SGCZ: variants seen among roughly 807,000 people sequenced by gnomAD.
SGCZ encodes zeta-sarcoglycan.
A neutral mutation model predicts 41.3 loss-of-function variants in SGCZ; 40 were observed. That is an observed-to-expected ratio of 0.97 (90% CI 0.75 to 1.26). SGCZ has a LOEUF of 1.26. SGCZ is among the 50% of genes most tolerant of loss of function. The pLI is 0.00. For missense variants in SGCZ, 552 were observed against 369.8 expected (o/e 1.49, Z -4.04); for synonymous variants, 206 against 137.5 (o/e 1.50, Z -3.49).
intron 1 of SGCZ, among the ~76,000 whole-genome samples, chr8:15,133,414 G>A (rs938164449): frequency 3.3e-5 from 5 of 152,152 alleles, no homozygotes; most frequent in Non-Finnish European, 7.4e-5. Context: ...TACAGGTCAT[G>A]ATTTCATAGC....
intron 1 of SGCZ, among the ~76,000 whole-genome samples, chr8:14,741,878 C>T (rs1799206702): frequency 6.9e-6 from 1 of 145,636 alleles, no homozygotes; most frequent in African/African-American, 2.7e-5. Flanking sequence ...CTTTTAATAA[C>T]TCAATTTAAT....
intron 4 of SGCZ, among the ~76,000 whole-genome samples, chr8:14,232,041 C>G (rs13272080): frequency 6.6e-6 from 1 of 151,728 alleles, no homozygotes; most frequent in Admixed American, 6.6e-5. Flanking sequence ...TATTAATAGA[C>G]ATTGACTCAA....
intron 2 of SGCZ, among the ~76,000 whole-genome samples, chr8:14,436,312 T>C (rs1185672513): frequency 6.6e-6 from 1 of 152,180 alleles, no homozygotes; most frequent in Non-Finnish European, 1.5e-5. Context: ...AAGAATAATA[T>C]TCAGCGCATA....
chr8:15,227,035 G>A (rs937854966), intron 1 of SGCZ, among the ~76,000 whole-genome samples: 1 of 152,160 alleles, frequency 6.6e-6, no homozygotes, highest in African/African-American at 2.4e-5. Flanking sequence ...TTAGATCAGG[G>A]TGACTGCAAA....
chr8:14,296,869 G>A (rs1370502008), intron 3 of SGCZ, among the ~76,000 whole-genome samples: 1 of 152,020 alleles, frequency 6.6e-6, no homozygotes, highest in Admixed American at 6.6e-5. Flanking sequence ...TACATTATTT[G>A]TAAACAGATA....
chr8:15,183,282 G>C (rs574144210), intron 1 of SGCZ, among the ~76,000 whole-genome samples: 2 of 152,140 alleles, frequency 1.3e-5, no homozygotes, highest in Admixed American at 6.5e-5. Context: ...TTCTATGCTA[G>C]GCTGTCATAC....
intron 1 of SGCZ, among the ~76,000 whole-genome samples, chr8:15,046,617 G>C (rs1037112459): frequency 5.3e-5 from 8 of 151,896 alleles, no homozygotes; most frequent in Admixed American, 4.6e-4. Flanking sequence ...CAGTCCAAGA[G>C]TCATGATCCC....
chr8:14,210,597 G>A (rs1356078168), intron 4 of SGCZ, among the ~76,000 whole-genome samples: 2 of 151,756 alleles, frequency 1.3e-5, no homozygotes, highest in Non-Finnish European at 2.9e-5. Context: ...TGAGTAGCTG[G>A]GATGACAGGC....
chr8:14,856,912 T>A (rs1803561129), intron 1 of SGCZ, among the ~76,000 whole-genome samples: 1 of 152,128 alleles, frequency 6.6e-6, no homozygotes, highest in Non-Finnish European at 1.5e-5. Flanking sequence ...ACAGTCAGTG[T>A]CAATAACAGT....
At chr8:15,208,281 G>A (rs10096927) in intron 1 of SGCZ, among the ~76,000 whole-genome samples, 118,846 of 152,044 alleles carry the variant, frequency 0.78, 46,906 homozygotes, top group Non-Finnish European at 0.83. Context: ...CCCAATATAG[G>A]TATGGCATAT....
At chr8:15,188,800 G>A (rs1241528999) in intron 1 of SGCZ, among the ~76,000 whole-genome samples, 1 of 152,012 alleles carries the variant, frequency 6.6e-6, no homozygotes, top group African/African-American at 2.4e-5. Context: ...ATTGTATCAG[G>A]AGATGTTGAT....
intron 1 of SGCZ, among the ~76,000 whole-genome samples, chr8:15,098,943 A>T (rs1402673492): frequency 6.6e-6 from 1 of 152,208 alleles, no homozygotes; most frequent in Non-Finnish European, 1.5e-5. Flanking sequence ...CTGTAATCCC[A>T]GCTACTCCGG....
chr8:14,586,425 G>T (rs993139627), intron 1 of SGCZ, among the ~76,000 whole-genome samples: 3 of 152,100 alleles, frequency 2.0e-5, no homozygotes, highest in African/African-American at 7.2e-5. Flanking sequence ...TGTTGGCCAG[G>T]CTGGTCTTGA....
rs1015226682 is a variant in SGCZ, at chr8:14,309,757, C to G, written c.336+14346G>C. 6 of 1,566,244 alleles carry G rather than the reference C, an allele frequency of 3.8e-6. No homozygotes were observed. In the African/African-American group the frequency reaches 8.1e-5, roughly 21 times the overall value. Reference sequence around the variant, plus strand: ...GCTGAACCAAAGCCTCTTCAAAAAGCAGAGTGGACTGCATTTAAATTTCAT... The same window carrying G: ...GCTGAACCAAAGCCTCTTCAAAAAGGAGAGTGGACTGCATTTAAATTTCAT... On this transcript the variant is annotated intron_variant, in intron 3 of 7. Coordinates refer to ENST00000382080, the MANE Select transcript of SGCZ (RefSeq NM_139167.4).
chr8:14,808,056 C>G (rs1294852271), intron 1 of SGCZ, among the ~76,000 whole-genome samples: 1 of 152,004 alleles, frequency 6.6e-6, no homozygotes, highest in African/African-American at 2.4e-5. Context: ...GGATCCCTTC[C>G]TTACACCTTA....
chr8:14,823,001 C>T (rs1460122267), intron 1 of SGCZ, among the ~76,000 whole-genome samples: 2 of 145,922 alleles, frequency 1.4e-5, no homozygotes, highest in East Asian at 4.2e-4. Flanking sequence ...TTGCAGTAAG[C>T]CAAGATCGCG....
At chr8:14,772,640 C>T (rs1299357897) in intron 1 of SGCZ, among the ~76,000 whole-genome samples, 1 of 142,468 alleles carries the variant, frequency 7.0e-6, no homozygotes, top group African/African-American at 2.6e-5. Flanking sequence ...CATGTGTTCT[C>T]ACTGTTCAAT....
Position 14,125,330 on chromosome 8 carries a change from C to A in SGCZ, c.548-17095G>T, listed in dbSNP as rs191543637. Among the ~76,000 whole-genome samples, 999 of 151,944 alleles carry A rather than the reference C, an allele frequency of 6.6e-3. 9 individuals are homozygous for A. Among genetic ancestry groups the A allele is most frequent in the African/African-American group, 0.023 (950 of 41,430 alleles). On this transcript the variant is annotated intron_variant, in intron 5 of 7. Coordinates refer to ENST00000382080, the MANE Select transcript of SGCZ (RefSeq NM_139167.4). Reference sequence around the variant, plus strand: ...CATCCTGGCTAACATGGTGAAACCCCGTCTTTACTAAAAATACAAAAAAAT... The same window carrying A: ...CATCCTGGCTAACATGGTGAAACCCAGTCTTTACTAAAAATACAAAAAAAT...
rs1161552244 is a variant in SGCZ at position 14,375,133 on chromosome 8, G to C, written c.235-50929C>G. ...AGATAGACAGACAGACAGACAGACA[G>C]ACAGACAGACAGATAGATATTTGGC... is the stretch of plus-strand genomic sequence containing the variant. On this transcript the variant is annotated intron_variant, in intron 2 of 7. Coordinates refer to ENST00000382080, the MANE Select transcript of SGCZ (RefSeq NM_139167.4). 2.1e-5 allele frequency among the ~76,000 whole-genome samples: 3 copies of C among 146,232 alleles called. No individual in the cohort carries two copies. The East Asian group carries it at 5.8e-4, about 28-fold the overall frequency.
Sources: gnomAD v4.1 joint callset for allele counts (sites outside exome capture counted in the v4.1 genomes callset) on GRCh38, gnomAD v4.1.1 for gene constraint, MANE v1.5 for transcripts, NCBI Gene and HGNC (gene_info 2026-07-23, HGNC 2026-07-21) for gene names.